The following CHD6 variants were observed in gnomAD, a reference collection of about 807,000 sequenced individuals.
The protein encoded by CHD6 is chromodomain helicase DNA binding protein 6, also known as ATP-dependent chromatin remodeler CHD6.
A neutral mutation model predicts 276.9 loss-of-function variants in CHD6; 50 were observed. The observed-to-expected ratio is 0.18, with a 90% CI of 0.14 to 0.23. The LOEUF (loss-of-function observed/expected upper bound fraction) is 0.23, where lower values mean the gene tolerates loss of function less well. Among genes scored for constraint, CHD6 ranks in the 10% least tolerant of loss-of-function variants. CHD6 has a pLI of 1.00. For synonymous variants in CHD6, 1,173 were observed against 1,229.3 expected (o/e 0.95, Z 0.96); for missense variants, 2,564 against 3,365.8 (o/e 0.76, Z 5.89).
At chr20:41,489,061 A>G (rs559492268) in intron 12 of CHD6, among the ~76,000 whole-genome samples, 1 of 152,254 alleles carries the variant, frequency 6.6e-6, no homozygotes, top group African/African-American at 2.4e-5. Flanking sequence ...TGATGCACCT[A>G]AGACAAGCGC....
chr20:41,468,729 T>C (rs1337717229), intron 17 of CHD6, among the ~76,000 whole-genome samples: 1 of 152,036 alleles, frequency 6.6e-6, no homozygotes, highest in African/African-American at 2.4e-5. Flanking sequence ...AAACAGGGGA[T>C]GTAGGTGGGG....
At chr20:41,600,838 T>A (rs544802165) in intron 1 of CHD6, among the ~76,000 whole-genome samples, 1 of 151,918 alleles carries the variant, frequency 6.6e-6, no homozygotes, top group Non-Finnish European at 1.5e-5. Context: ...CTGTCCAGAG[T>A]TGCAGTGTGC....
At chr20:41,502,604 G>C (rs2043860716) in intron 5 of CHD6, among the ~76,000 whole-genome samples, 1 of 152,140 alleles carries the variant, frequency 6.6e-6, no homozygotes, top group South Asian at 2.1e-4. Context: ...ACTGTCTCAG[G>C]TTATGTTAGA....
Position 41,533,525 on chromosome 20 carries a change from A to G in CHD6, c.79T>C (p.Ser27Pro), listed in dbSNP as rs552403035. ...GGAGATTTGTAGTCAAAATTGACAG[A>G]GGCATCAGACATTGGGGAGTGATTC... ...VLNHSPMSDA[S>P]VNFDYKSPSP... Residue 27 changes from serine (S) to proline (P), a missense_variant, in exon 3 of 37, where the codon TCT becomes CCT. This residue lies in a region of CHD6 where 286 missense variants were observed against 297.8 expected (regional missense o/e 0.96). Transcript: ENST00000373233. 29 of 1,613,070 alleles carry G rather than the reference A, an allele frequency of 1.8e-5. No homozygotes were observed. The highest frequency in any genetic ancestry group is 2.5e-5 in the Non-Finnish European group (29 of 1,179,952).
In CHD6 at chr20:41,420,592, G is replaced by C. The variant is rs2047154615; in HGVS notation, c.6043C>G (p.Leu2015Val). The C allele has an allele frequency of 1.9e-6, 3 of 1,614,138 alleles. No individual in the cohort carries two copies. Among genetic ancestry groups the C allele is most frequent in the Non-Finnish European group, 8.5e-7 (1 of 1,180,008 alleles). The change falls in exon 31 of 37, where the codon CTT becomes GTT. Residue 2015 changes from leucine (L) to valine (V), a missense_variant. Physicochemically the swap from Leu to Val is conservative, Grantham distance 32. Around this residue, in one of 7 missense-constraint regions of CHD6, gnomAD observed 1,024 missense variants for 1,047.9 expected, o/e 0.98. Transcript: ENST00000373233. ...EGQNVFPTYP[L>V]EGSELKSEDM... ...TCTGATTTGAGCTCACTTCCTTCAA[G>C]AGGATATGTGGGGAAAACGTTTTGC...
At chr20:41,493,422 C>T (rs1264576361) in intron 10 of CHD6, 116 bp downstream of exon 10, 3 of 1,054,476 alleles carry the variant, frequency 2.8e-6, no homozygotes, top group East Asian at 2.4e-5. Flanking sequence ...TGAGAAGTAA[C>T]AAAGGTAAAA....
At chr20:41,555,534 A>C (rs1344130164) in intron 1 of CHD6, among the ~76,000 whole-genome samples, 5 of 145,178 alleles carry the variant, frequency 3.4e-5, no homozygotes, top group Non-Finnish European at 1.5e-5. Context: ...CACTTCTCAG[A>C]TGGGGCGGTT....
intron 1 of CHD6, among the ~76,000 whole-genome samples, chr20:41,564,758 A>G (rs2030711548): frequency 6.6e-6 from 1 of 152,214 alleles, no homozygotes; most frequent in Admixed American, 6.5e-5. Flanking sequence ...AACACCCAAC[A>G]TGTATAATGG....
At chr20:41,561,881 C>A (rs1002105483) in intron 1 of CHD6, among the ~76,000 whole-genome samples, 2 of 152,168 alleles carry the variant, frequency 1.3e-5, no homozygotes, top group Non-Finnish European at 2.9e-5. Flanking sequence ...CTTTTAGAAT[C>A]ATCTTTTCAA....
chr20:41,489,872 C>T lies in CHD6; in HGVS notation c.1586G>A (p.Arg529Gln), dbSNP rs2145858702. The part of the protein sequence containing the change: ...STITNWEREF[R>Q]TWTEMNAIVY... Reference sequence around the variant, plus strand: ...AATGGCATTCATCTCTGTCCATGTCCGGAACTCCCGCTCCCAGTTAGTGAT... The same window carrying T: ...AATGGCATTCATCTCTGTCCATGTCTGGAACTCCCGCTCCCAGTTAGTGAT... Residue 529 changes from arginine (R) to glutamine (Q), a missense_variant, in exon 12 of 37, where the codon CGG (arginine) becomes CAG (glutamine). By Grantham distance (43) the Arg-to-Gln change is conservative. Around this residue, in one of 7 missense-constraint regions of CHD6, gnomAD observed 457 missense variants for 889.0 expected, o/e 0.51. Coordinates refer to ENST00000373233, the MANE Select transcript of CHD6 (RefSeq NM_032221.5). 5 of 1,613,888 alleles carry T rather than the reference C, an allele frequency of 3.1e-6. No individual in the cohort carries two copies. The highest frequency in any genetic ancestry group is 3.4e-6 in the Non-Finnish European group (4 of 1,179,936).
Position 41,404,934 on chromosome 20 carries a change from T to C in CHD6, c.7807A>G (p.Thr2603Ala). 6.2e-7 allele frequency: 1 copy of C among 1,614,088 alleles called. No individual in the cohort carries two copies. Among genetic ancestry groups the C allele is most frequent in the African/African-American group, 1.3e-5 (1 of 75,008 alleles). ...FSDQSEPAITTSSPVAFNPFL... is the reference protein window; with the variant it reads ...FSDQSEPAITASSPVAFNPFL... ...GGGTTAAAAGCCACAGGACTACTAG[T>C]AGTTATTGCAGGTTCAGACTGATCA... Residue 2603 changes from threonine to alanine, a missense_variant, in exon 37 of 37, where the codon ACT (threonine) becomes GCT (alanine). Physicochemically the swap from Thr to Ala is moderately conservative, Grantham distance 58. Transcript: ENST00000373233.
chr20:41,571,193 C>T lies in CHD6; in HGVS notation c.-23-19833G>A, dbSNP rs567286813. On this transcript the variant is annotated intron_variant, in intron 1 of 36. Coordinates refer to ENST00000373233, the MANE Select transcript of CHD6 (RefSeq NM_032221.5). Reference sequence around the variant, plus strand: ...ATGACAAAGATAAAAGCAAAGACAACGCTTACAGAAGACAGCAGTGATATT... The same window carrying T: ...ATGACAAAGATAAAAGCAAAGACAATGCTTACAGAAGACAGCAGTGATATT... Among the ~76,000 whole-genome samples, 6 of 151,956 alleles carry T rather than the reference C, an allele frequency of 3.9e-5. No homozygotes were observed. In the South Asian group the frequency reaches 6.2e-4, roughly 16 times the overall value.
intron 1 of CHD6, among the ~76,000 whole-genome samples, chr20:41,589,559 T>C (rs1215592979): frequency 6.6e-6 from 1 of 152,182 alleles, no homozygotes; most frequent in Non-Finnish European, 1.5e-5. Flanking sequence ...TCACAAGCAT[T>C]CTTATACACC....
In CHD6 at chr20:41,407,237, G is replaced by C. The variant is rs540480521; in HGVS notation, c.7252-1748C>G. On this transcript the variant is annotated intron_variant, in intron 36 of 36. Transcript: ENST00000373233. ...CCTTCCACTAGAGTCTGCAGAGTGG[G>C]GGGTGGGGATGTGACAAGCAGCAGC... Among the ~76,000 whole-genome samples, 4 of 152,170 alleles carry C rather than the reference G, an allele frequency of 2.6e-5. No homozygotes were observed. The East Asian group carries it at 5.8e-4, about 22-fold the overall frequency.
intron 3 of CHD6, among the ~76,000 whole-genome samples, chr20:41,524,217 T>C (rs1386923436): frequency 6.6e-6 from 1 of 152,208 alleles, no homozygotes; most frequent in Non-Finnish European, 1.5e-5. Context: ...ATTCAGCTTT[T>C]CCATAATACC....
intron 2 of CHD6, among the ~76,000 whole-genome samples, chr20:41,546,981 A>G (rs1355141400): frequency 6.6e-6 from 1 of 152,096 alleles, no homozygotes; most frequent in Non-Finnish European, 1.5e-5. Flanking sequence ...TTTTGATTTA[A>G]TTTGTAAAAA....
chr20:41,496,608 G>A (rs556061381), intron 8 of CHD6, among the ~76,000 whole-genome samples: 57 of 152,202 alleles, frequency 3.7e-4, no homozygotes, highest in Non-Finnish European at 7.4e-4. Flanking sequence ...AATAGGTCAA[G>A]ACCAAAGGCA....
intron 9 of CHD6, 45 bp downstream of exon 9, chr20:41,493,813 T>C: frequency 6.3e-7 from 1 of 1,582,564 alleles, no homozygotes; most frequent in Non-Finnish European, 8.7e-7. Context: ...ACAAGTGAAA[T>C]ACGTGGAAAG....
chr20:41,556,559 G>C (rs2045240601), intron 1 of CHD6, among the ~76,000 whole-genome samples: 1 of 152,162 alleles, frequency 6.6e-6, no homozygotes, highest in African/African-American at 2.4e-5. Flanking sequence ...TATCACATCA[G>C]CCTTGGCTAG....
Sources: gnomAD v4.1 joint callset for allele counts (sites outside exome capture counted in the v4.1 genomes callset) on GRCh38, gnomAD v4.1.1 for gene constraint, gnomAD v4.1.1 regional missense constraint, MANE v1.5 for transcripts, NCBI Gene and HGNC (gene_info 2026-07-23, HGNC 2026-07-21) for gene names.